TCHHL1: variants seen among roughly 807,000 people sequenced by gnomAD.
TCHHL1 encodes trichohyalin like 1.
TCHHL1 carries 1 observed loss-of-function variant against 3.5 expected under a neutral mutation model. The ratio of observed to expected loss-of-function variants is 0.29; its 90% CI spans 0.10 to 1.36. The LOEUF is 1.36. Among genes scored for constraint, TCHHL1 ranks in the 40% most tolerant of loss-of-function variants. The pLI, the probability that TCHHL1 is intolerant of heterozygous loss-of-function variation, is 0.43. For missense variants in TCHHL1, 1,027 were observed against 1,032.8 expected (o/e 0.99, Z 0.08); for synonymous variants, 405 against 375.3 (o/e 1.08, Z -0.92).
rs771140787 is a variant in TCHHL1, at chr1:152,086,900, T to C, written c.782A>G (p.Gln261Arg). 27 of 1,614,194 alleles carry C rather than the reference T, an allele frequency of 1.7e-5. No individual in the cohort carries two copies. The highest frequency in any genetic ancestry group is 2.2e-5 in the Non-Finnish European group (26 of 1,180,034). Residue 261 changes from glutamine to arginine, a missense_variant, in exon 3 of 3, where the codon CAA (glutamine) becomes CGA (arginine). Coordinates refer to ENST00000368806, the MANE Select transcript of TCHHL1 (RefSeq NM_001008536.2). ...FGEQEGNLAT[Q>R]SSPPKEATQR... ...TGTTGCTTCTTTTGGTGGTGAACTT[T>C]GGGTTGCCAAGTTTCCTTCCTGTTC...
In TCHHL1 at chr1:152,086,294, G is replaced by T; in HGVS notation, c.1388C>A (p.Ala463Glu). The T allele has an allele frequency of 6.2e-7, 1 of 1,614,212 alleles. No homozygotes were observed. The highest frequency in any genetic ancestry group is 8.5e-7 in the Non-Finnish European group (1 of 1,180,040). Residue 463 changes from alanine to glutamate, a missense_variant, in exon 3 of 3, where the codon GCA (alanine) becomes GAA (glutamate). Ala to Glu is a moderately radical substitution (Grantham distance 107). Transcript: ENST00000368806. ...DQTHPELEGT[A>E]VSGEEAEHTK... ...GTGTTCTGCCTCTTCTCCTGAGACT[G>T]CTGTTCCTTCAAGTTCAGGGTGAGT...
In TCHHL1 at chr1:152,086,855, T is replaced by A; in HGVS notation, c.827A>T (p.Gln276Leu). The change falls in exon 3 of 3, where the codon CAG becomes CTG. Residue 276 changes from glutamine to leucine, a missense_variant. Gln to Leu is a moderately radical substitution (Grantham distance 113). Around this residue, in one of 3 missense-constraint regions of TCHHL1, gnomAD observed 338 missense variants for 335.9 expected, o/e 1.01. Transcript: ENST00000368806. ...KEATQRPCED[Q>L]EVRTEKEKHS... The stretch of plus-strand genomic sequence containing the variant: ...TTTTTCCTTTTCTGTTCTAACTTCC[T>A]GATCTTCACATGGTCTTTGTGTTGC... The A allele has an allele frequency of 6.2e-7, 1 of 1,614,186 alleles. No individual in the cohort carries two copies. The highest frequency in any genetic ancestry group is 1.1e-5 in the South Asian group (1 of 91,078).
Position 152,084,772 on chromosome 1 carries a change from G to A in TCHHL1, c.*195C>T. Reference sequence around the variant, plus strand: ...CATTTGGAAGTAGCATTGTTTGGTAGGAGTTTTACTGACTGTATTTGTTTG... The same window carrying A: ...CATTTGGAAGTAGCATTGTTTGGTAAGAGTTTTACTGACTGTATTTGTTTG... On this transcript the variant is annotated 3_prime_UTR_variant, in exon 3 of 3. Coordinates refer to ENST00000368806, the MANE Select transcript of TCHHL1 (RefSeq NM_001008536.2). The A allele has an allele frequency of 5.1e-6, 3 of 584,178 alleles. No individual in the cohort carries two copies. The highest frequency in any genetic ancestry group is 8.6e-6 in the Non-Finnish European group (3 of 350,110). 36.2% of individuals were successfully genotyped at this position (584,178 alleles called of 1,614,324 possible). A position where few individuals can be genotyped will look rare whatever the true frequency, so the allele number is the denominator to read the frequency against.
chr1:152,088,299 G>A, intron 1 of TCHHL1, 136 bp from the exon 2 acceptor site: 1 of 688,712 alleles, frequency 1.5e-6, no homozygotes. Flanking sequence ...TATTATATCT[G>A]AACTCCAGGG....
Position 152,088,102 on chromosome 1 carries a change from T to C in TCHHL1, c.42A>G (p.Thr14=). ...TGTCCTCACTGGCATATTTGTGGAA[T>C]GTCTCAATTACACAGAGGACATTTC... The part of the protein sequence containing the change: ...LLRNVLCVIE[T]FHKYASEDSN... The change falls in exon 2 of 3, where the codon ACA becomes ACG. Residue 14 remains threonine (T), a synonymous_variant. Transcript: ENST00000368806. The C allele has an allele frequency of 2.5e-6, 4 of 1,609,674 alleles. No individual in the cohort carries two copies. Among genetic ancestry groups the C allele is most frequent in the Non-Finnish European group, 3.4e-6 (4 of 1,178,432 alleles).
rs773238747 is a variant in TCHHL1, at chr1:152,085,942, A to G, written c.1740T>C (p.His580=). 4 of 1,614,008 alleles carry G rather than the reference A, an allele frequency of 2.5e-6. No individual in the cohort carries two copies. In the East Asian group the frequency reaches 8.9e-5, roughly 36 times the overall value. ...TGTGACCTCCTTGCACAGACTCTCC[A>G]TGTTGGTCCCCTTGACTCTGGGAGT... is the stretch of plus-strand genomic sequence containing the variant. ...QGDSQSQGDQ[H]GESVQGGHNN... The change falls in exon 3 of 3, where the codon CAT becomes CAC. Residue 580 remains histidine (H), a synonymous_variant. Coordinates refer to ENST00000368806, the MANE Select transcript of TCHHL1 (RefSeq NM_001008536.2).
rs577347116 is a variant in TCHHL1 at position 152,085,717 on chromosome 1, T to C, written c.1965A>G (p.Ala655=). ...AAVEPNGHPE[A]QESTAGDENR... is the part of the protein sequence containing the mutation. ...TTTCATCTCCTGCTGTGGATTCCTG[T>C]GCTTCTGGGTGTCCATTGGGCTCCA... The change falls in exon 3 of 3, where the codon GCA becomes GCG. Residue 655 remains alanine (A), a synonymous_variant. Coordinates refer to ENST00000368806, the MANE Select transcript of TCHHL1 (RefSeq NM_001008536.2). 1.9e-6 allele frequency: 3 copies of C among 1,614,228 alleles called. No individual in the cohort carries two copies. The East Asian group carries it at 6.7e-5, about 36-fold the overall frequency.
In TCHHL1 at chr1:152,084,319, T is replaced by C. The variant is rs1657676281; in HGVS notation, c.*648A>G. ...TTGATTGTTTATTTGAGCCAAAAGC[T>C]ATGAAAAGTTTGTGTAAGGAGTGGG... On this transcript the variant is annotated 3_prime_UTR_variant, in exon 3 of 3. Coordinates refer to ENST00000368806, the MANE Select transcript of TCHHL1 (RefSeq NM_001008536.2). 6.0e-6 allele frequency: 1 copy of C among 167,154 alleles called. No homozygotes were observed. Among genetic ancestry groups the C allele is most frequent in the African/African-American group, 2.4e-5 (1 of 41,446 alleles). The allele number at this position is 167,154 out of a possible 1,614,324, so 10.4% of individuals were successfully genotyped here.
Position 152,084,797 on chromosome 1 carries a change from G to T in TCHHL1, c.*170C>A, listed in dbSNP as rs1357277243. The T allele has an allele frequency of 1.3e-5, 9 of 704,904 alleles. No individual in the cohort carries two copies. In the East Asian group the frequency reaches 2.5e-4, roughly 19 times the overall value. The allele number at this position is 704,904 out of a possible 1,614,324, so 43.7% of individuals were successfully genotyped here. A position where few individuals can be genotyped will look rare whatever the true frequency, so the allele number is the denominator to read the frequency against. On this transcript the variant is annotated 3_prime_UTR_variant, in exon 3 of 3. Coordinates refer to ENST00000368806, the MANE Select transcript of TCHHL1 (RefSeq NM_001008536.2). ...GGAGTTTTACTGACTGTATTTGTTT[G>T]CTCAGATGTTTCTTTAGTGGTGTCC...
In TCHHL1 at chr1:152,085,191, C is replaced by T. The variant is rs1270710694; in HGVS notation, c.2491G>A (p.Gly831Ser). 6.2e-7 allele frequency: 1 copy of T among 1,614,210 alleles called. No individual in the cohort carries two copies. Among genetic ancestry groups the T allele is most frequent in the Non-Finnish European group, 8.5e-7 (1 of 1,180,050 alleles). ...QKQVQIAQAS[G>S]PELCSVSLTS... Reference sequence around the variant, plus strand: ...AGGGATACACTGCAAAGCTCTGGGCCTGATGCCTGGGCTATCTGAACTTGC... The same window carrying T: ...AGGGATACACTGCAAAGCTCTGGGCTTGATGCCTGGGCTATCTGAACTTGC... The change falls in exon 3 of 3, where the codon GGC becomes AGC. Residue 831 changes from glycine to serine, a missense_variant. This residue lies in a region of TCHHL1 where 673 missense variants were observed against 658.6 expected (regional missense o/e 1.02). Transcript: ENST00000368806.
chr1:152,086,463 C>T lies in TCHHL1; in HGVS notation c.1219G>A (p.Glu407Lys). 6.2e-7 allele frequency: 1 copy of T among 1,614,178 alleles called. No homozygotes were observed. Among genetic ancestry groups the T allele is most frequent in the Non-Finnish European group, 8.5e-7 (1 of 1,180,030 alleles). Residue 407 changes from glutamate to lysine, a missense_variant, in exon 3 of 3, where the codon GAA becomes AAA. This residue lies in a region of TCHHL1 where 673 missense variants were observed against 658.6 expected (regional missense o/e 1.02). Transcript: ENST00000368806. ...AGTGGCCGAGTTTTTCTGTCACGTT[C>T]TTTCTGCCCTGCTGTTCCATGGGCC... is the stretch of plus-strand genomic sequence containing the variant. ...PEAHGTAGQK[E>K]RDRKTRPLVL... is the part of the protein sequence containing the mutation.
In TCHHL1 at chr1:152,084,682, G is replaced by A. The variant is rs867839822; in HGVS notation, c.*285C>T. On this transcript the variant is annotated 3_prime_UTR_variant, in exon 3 of 3. Transcript: ENST00000368806. The stretch of plus-strand genomic sequence containing the variant: ...CTGGCACCTGCTAAAGATATGGAAG[G>A]AATTTTTCCATTTTTAATGACAGGT... The A allele has an allele frequency of 1.6e-5, 5 of 306,440 alleles. No homozygotes were observed. Among genetic ancestry groups the A allele is most frequent in the African/African-American group, 1.1e-4 (5 of 46,310 alleles). The allele number at this position is 306,440 out of a possible 1,614,324, so 19.0% of individuals were successfully genotyped here.
Position 152,086,258 on chromosome 1 carries a change from C to T in TCHHL1, c.1424G>A (p.Gly475Asp), listed in dbSNP as rs991124972. 6.2e-7 allele frequency: 1 copy of T among 1,614,154 alleles called. No individual in the cohort carries two copies. Among genetic ancestry groups the T allele is most frequent in the Non-Finnish European group, 8.5e-7 (1 of 1,180,042 alleles). Residue 475 changes from glycine to aspartate, a missense_variant, in exon 3 of 3, where the codon GGC becomes GAC. This residue lies in a region of TCHHL1 where 673 missense variants were observed against 658.6 expected (regional missense o/e 1.02). Coordinates refer to ENST00000368806, the MANE Select transcript of TCHHL1 (RefSeq NM_001008536.2). ...GCTGTTCACAAATGCTTCTGCTGTGCCTTCTTTGGTGTGTTCTGCCTCTTC... is the reference window on the plus strand; with the variant it reads ...GCTGTTCACAAATGCTTCTGCTGTGTCTTCTTTGGTGTGTTCTGCCTCTTC... The part of the protein sequence containing the change: ...SGEEAEHTKE[G>D]TAEAFVNSKN...
Position 152,087,243 on chromosome 1 carries a change from C to T in TCHHL1, c.439G>A (p.Glu147Lys). The change falls in exon 3 of 3, where the codon GAA (glutamate) becomes AAA (lysine). Residue 147 changes from glutamate (E) to lysine (K), a missense_variant. Physicochemically the swap from Glu to Lys is moderately conservative, Grantham distance 56. Transcript: ENST00000368806. ...GMASSSQLIPEESGAVGNNRV... is the reference protein window; with the variant it reads ...GMASSSQLIPKESGAVGNNRV... Reference sequence around the variant, plus strand: ...TTATTTCCAACTGCTCCACTTTCTTCAGGGATGAGCTGAGATGATGATGCC... The same window carrying T: ...TTATTTCCAACTGCTCCACTTTCTTTAGGGATGAGCTGAGATGATGATGCC... The T allele has an allele frequency of 6.2e-7, 1 of 1,614,130 alleles. No homozygotes were observed. The highest frequency in any genetic ancestry group is 8.5e-7 in the Non-Finnish European group (1 of 1,179,980).
rs773238747 is a variant in TCHHL1, at chr1:152,085,942, A to C, written c.1740T>G (p.His580Gln). 3.1e-6 allele frequency: 5 copies of C among 1,614,008 alleles called. No individual in the cohort carries two copies. The highest frequency in any genetic ancestry group is 3.4e-6 in the Non-Finnish European group (4 of 1,180,010). Residue 580 changes from histidine (H) to glutamine (Q), a missense_variant, in exon 3 of 3, where the codon CAT becomes CAG. Transcript: ENST00000368806. ...TGTGACCTCCTTGCACAGACTCTCCATGTTGGTCCCCTTGACTCTGGGAGT... is the reference window on the plus strand; with the variant it reads ...TGTGACCTCCTTGCACAGACTCTCCCTGTTGGTCCCCTTGACTCTGGGAGT... ...QGDSQSQGDQ[H>Q]GESVQGGHNN...
Position 152,087,076 on chromosome 1 carries a change from A to T in TCHHL1, c.606T>A (p.Asn202Lys). 1 of 1,612,936 alleles carries T rather than the reference A, an allele frequency of 6.2e-7. No homozygotes were observed. The highest frequency in any genetic ancestry group is 8.5e-7 in the Non-Finnish European group (1 of 1,179,716). ...GCTTATTTGTCTTAAGTTGGCCTTC[A>T]TTGTCTTCTGTTGTTTGTATATCTT... Reference protein sequence around the residue: ...VAQDIQTTEDNEGQLKTNKPM... With the variant: ...VAQDIQTTEDKEGQLKTNKPM... Residue 202 changes from asparagine to lysine, a missense_variant, in exon 3 of 3, where the codon AAT (asparagine) becomes AAA (lysine). By Grantham distance (94) the Asn-to-Lys change is moderately conservative. Coordinates refer to ENST00000368806, the MANE Select transcript of TCHHL1 (RefSeq NM_001008536.2).
chr1:152,086,482 A>G lies in TCHHL1; in HGVS notation c.1200T>C (p.His400=). The change falls in exon 3 of 3, where the codon CAT becomes CAC. Residue 400 remains histidine, a synonymous_variant. Coordinates refer to ENST00000368806, the MANE Select transcript of TCHHL1 (RefSeq NM_001008536.2). ...ERKERRGPEA[H]GTAGQKERDR... ...CACGTTCTTTCTGCCCTGCTGTTCC[A>G]TGGGCCTCAGGACCTCTCCTCTCTT... 1.9e-6 allele frequency: 3 copies of G among 1,614,034 alleles called. No homozygotes were observed. The highest frequency in any genetic ancestry group is 1.7e-6 in the Non-Finnish European group (2 of 1,180,002).
rs1263358855 is a variant in TCHHL1 at position 152,086,737 on chromosome 1, T to C, written c.945A>G (p.Pro315=). The change falls in exon 3 of 3, where the codon CCA becomes CCG. Residue 315 remains proline (P), a synonymous_variant. Coordinates refer to ENST00000368806, the MANE Select transcript of TCHHL1 (RefSeq NM_001008536.2). ...AATCAGTTGATTTCTGTGTCTGAGA[T>C]GGTGACCTGGCAGCAGCTTGTTCTG... The part of the protein sequence containing the change: ...DLPEQAAARS[P]SQTQKSTDSK... 2 of 1,614,118 alleles carry C rather than the reference T, an allele frequency of 1.2e-6. No homozygotes were observed. The highest frequency in any genetic ancestry group is 1.7e-5 in the Admixed American group (1 of 60,006).
At position 152,086,385 on chromosome 1, in the gene TCHHL1, A is replaced by G; in HGVS notation, c.1297T>C (p.Ser433Pro). 1 of 1,613,894 alleles carries G rather than the reference A, an allele frequency of 6.2e-7. No homozygotes were observed. Among genetic ancestry groups the G allele is most frequent in the East Asian group, 2.2e-5 (1 of 44,872 alleles). ...DGKYQELQGL[S>P]KSKDAEKGSE... ...CCTTTTTCAGCATCTTTTGATTTTGATAATCCTTGGAGTTCCTGATACTTC... is the reference window on the plus strand; with the variant it reads ...CCTTTTTCAGCATCTTTTGATTTTGGTAATCCTTGGAGTTCCTGATACTTC... The change falls in exon 3 of 3, where the codon TCA (serine) becomes CCA (proline). Residue 433 changes from serine (S) to proline (P), a missense_variant. Physicochemically the swap from Ser to Pro is moderately conservative, Grantham distance 74. Transcript: ENST00000368806.
Sources: gnomAD v4.1 joint callset for allele counts on GRCh38, gnomAD v4.1.1 for gene constraint, gnomAD v4.1.1 regional missense constraint, MANE v1.5 for transcripts, NCBI Gene and HGNC (gene_info 2026-07-23, HGNC 2026-07-21) for gene names.